Variants in KDM2B observed in about 807,000 individuals in gnomAD.
KDM2B encodes the protein lysine-specific demethylase 2B.
Under a neutral mutation model 150.0 loss-of-function variants are expected in KDM2B, and 26 were observed. The ratio of observed to expected loss-of-function variants is 0.17; its 90% confidence interval spans 0.13 to 0.24. The LOEUF is 0.24. Among genes scored for constraint, KDM2B ranks in the 10% least tolerant of loss-of-function variants. The probability of loss-of-function intolerance (pLI) is 1.00; values close to 1 mark genes in which losing one functional copy is unlikely to be tolerated. For missense variants in KDM2B, 1,265 were observed against 1,816.9 expected (o/e 0.70, Z 5.52); for synonymous variants, 734 against 729.5 (o/e 1.01, Z -0.10).
intron 13 of KDM2B, among the ~76,000 whole-genome samples, chr12:121,451,860 C>G (rs1433647760): frequency 1.3e-5 from 2 of 151,516 alleles, no homozygotes; most frequent in Non-Finnish European, 2.9e-5. Context: ...TGTTGTAAGC[C>G]AAGATTCCAC....
At chr12:121,455,768 T>A (rs1212782237) in intron 12 of KDM2B, among the ~76,000 whole-genome samples, 1 of 152,184 alleles carries the variant, frequency 6.6e-6, no homozygotes, top group Non-Finnish European at 1.5e-5. Context: ...CATACTCGCA[T>A]AGTCCCACTG....
intron 4 of KDM2B, among the ~76,000 whole-genome samples, chr12:121,562,919 T>C (rs1890447060): frequency 6.6e-6 from 1 of 152,198 alleles, no homozygotes; most frequent in East Asian, 1.9e-4. Flanking sequence ...TTAGTATAAT[T>C]GCATGAATAC....
chr12:121,499,284 ATCTTTTTTTTTT>A (rs1884284757), intron 11 of KDM2B, among the ~76,000 whole-genome samples: 1 of 146,648 alleles, frequency 6.8e-6, no homozygotes. Context: ...TAATTTTTGT[ATCTTTTTTTTTT>A]TTTTTAGTAG....
In KDM2B at chr12:121,551,382, G is replaced by C. The variant is rs182717243; in HGVS notation, c.398-1744C>G. ...TTTTTTTGAGACAGGGTCTCGCTCT[G>C]TCACCCAGGCTGGAGAGCAATGGCA... On this transcript the variant is annotated intron_variant, in intron 4 of 22. Transcript: ENST00000377071. 3.5e-4 allele frequency among the ~76,000 whole-genome samples: 49 copies of C among 140,602 alleles called. No individual in the cohort carries two copies. In the East Asian group the frequency reaches 0.01, roughly 29 times the overall value. 92.2% of individuals were successfully genotyped at this position (140,602 alleles called of 152,430 possible).
Position 121,440,694 on chromosome 12 carries a change from A to G in KDM2B, c.3610+122T>C. The G allele has an allele frequency of 9.2e-6, 9 of 979,608 alleles. No homozygotes were observed. The South Asian group carries it at 1.5e-4, about 16-fold the overall frequency. 60.7% of individuals were successfully genotyped at this position (979,608 alleles called of 1,614,324 possible). ...TCTGTGCCTGAAGCAAACTGAGAAC[A>G]TGGCAGCAGAGACTCATCCCTATGT... On this transcript the variant is annotated intron_variant, in intron 21 of 22. Coordinates refer to ENST00000377071, the MANE Select transcript of KDM2B (RefSeq NM_032590.5).
chr12:121,443,296 C>T (rs1555289107), intron 17 of KDM2B: 11 of 584,742 alleles, frequency 1.9e-5, no homozygotes. Flanking sequence ...GTGCAGCCGC[C>T]CATTCAAATC....
intron 12 of KDM2B, among the ~76,000 whole-genome samples, chr12:121,483,992 T>G (rs1555298351): frequency 3.9e-5 from 6 of 151,934 alleles, no homozygotes; most frequent in Non-Finnish European, 8.8e-5. Flanking sequence ...GAGGGAACAG[T>G]GACCAGAAAC....
rs538364776 is a variant in KDM2B at position 121,515,770 on chromosome 12, G to A, written c.1048-2368C>T. Among the ~76,000 whole-genome samples the A allele has an allele frequency of 4.3e-3, 656 of 151,832 alleles. 5 individuals carry two copies. The highest frequency in any genetic ancestry group is 0.015 in the African/African-American group (632 of 41,312). On this transcript the variant is annotated intron_variant, in intron 9 of 22. Transcript: ENST00000377071. ...TCCCACTGCTGGGCCTCCTCTCTCC[G>A]CCTGCACACTGGGTGCTGGGCTCTG...
chr12:121,548,700 G>A (rs1342585229), intron 6 of KDM2B, among the ~76,000 whole-genome samples, 177 bp downstream of exon 6: 1 of 152,182 alleles, frequency 6.6e-6, no homozygotes, highest in Non-Finnish European at 1.5e-5. Flanking sequence ...ACACGCGAAG[G>A]ACCCCGTCCC....
chr12:121,506,213 C>T (rs1885056842), intron 11 of KDM2B, among the ~76,000 whole-genome samples: 1 of 151,982 alleles, frequency 6.6e-6, no homozygotes, highest in African/African-American at 2.4e-5. Context: ...TACTATGTTG[C>T]CCAGGCTGGT....
chr12:121,569,799 G>T (rs2136429183), intron 4 of KDM2B, among the ~76,000 whole-genome samples: 2 of 152,092 alleles, frequency 1.3e-5, no homozygotes, highest in South Asian at 4.2e-4. Context: ...AGAGGGGGCT[G>T]GATGACTGTT....
intron 13 of KDM2B, among the ~76,000 whole-genome samples, chr12:121,451,765 A>G (rs1270242993): frequency 2.0e-5 from 3 of 152,124 alleles, no homozygotes; most frequent in African/African-American, 7.2e-5. Flanking sequence ...TATAAAAATT[A>G]GCCAGATGTG....
intron 11 of KDM2B, among the ~76,000 whole-genome samples, chr12:121,505,174 T>G (rs11065603): frequency 0.04 from 5,866 of 145,816 alleles, 281 homozygotes; most frequent in East Asian, 0.23. Flanking sequence ...TAATTCCAGC[T>G]ACTCGGGAGG....
chr12:121,418,040 C>A, the KDM2B span: 1 of 980,254 alleles, frequency 1.0e-6, no homozygotes, highest in Non-Finnish European at 1.5e-6. Flanking sequence ...CTTCCACACC[C>A]AGCTGAACTC....
the KDM2B span, among the ~76,000 whole-genome samples, chr12:121,413,100 A>T: frequency 6.6e-6 from 1 of 151,062 alleles, no homozygotes. Flanking sequence ...ATCTAGGCTC[A>T]CTGCAACCTC....
chr12:121,442,424 C>T lies in KDM2B; in HGVS notation c.3017G>A (p.Arg1006Gln), dbSNP rs782721641. Residue 1006 changes from arginine to glutamine, a missense_variant, in exon 19 of 23, where the codon CGG (arginine) becomes CAG (glutamine). By Grantham distance (43) the Arg-to-Gln change is conservative. Around this residue, in one of 11 missense-constraint regions of KDM2B, gnomAD observed 418 missense variants for 402.4 expected, o/e 1.04. Transcript: ENST00000377071. The surrounding 1 kb of genome is among the most constrained non-coding windows in gnomAD (Gnocchi z 7.7). ...RFSKGLNGTP[R>Q]ELRHQLGPSL... Reference sequence around the variant, plus strand: ...GGGCCCCAGCTGGTGCCGCAGCTCCCGGGGGGTGCCGTTGAGCCCCTTGCT... The same window carrying T: ...GGGCCCCAGCTGGTGCCGCAGCTCCTGGGGGGTGCCGTTGAGCCCCTTGCT... 5 of 1,598,130 alleles carry T rather than the reference C, an allele frequency of 3.1e-6. No individual in the cohort carries two copies. The highest frequency in any genetic ancestry group is 4.2e-6 in the Non-Finnish European group (5 of 1,177,850).
chr12:121,430,107 A>T lies in KDM2B; in HGVS notation c.*181T>A. On this transcript the variant is annotated 3_prime_UTR_variant, in exon 23 of 23. Coordinates refer to ENST00000377071, the MANE Select transcript of KDM2B (RefSeq NM_032590.5). This position sits in a 1 kb window ranked among gnomAD's most constrained non-coding sequence, Gnocchi z 4.4. ...TTACGATTCAGAAAGACCAAAGGAA[A>T]GTGTCGGCTCACTCATCCCCCAAAC... The T allele has an allele frequency of 6.2e-7, 1 of 1,608,016 alleles. No individual in the cohort carries two copies. The highest frequency in any genetic ancestry group is 8.5e-7 in the Non-Finnish European group (1 of 1,174,348).
At chr12:121,490,194 G>A (rs1185325049) in intron 12 of KDM2B, among the ~76,000 whole-genome samples, 2 of 152,190 alleles carry the variant, frequency 1.3e-5, no homozygotes, top group African/African-American at 4.8e-5. Context: ...AAGGTCACAA[G>A]GCATCGAGGG....
chr12:121,554,033 C>CA (rs1889709619), intron 4 of KDM2B, among the ~76,000 whole-genome samples: 6 of 122,142 alleles, frequency 4.9e-5, no homozygotes, highest in East Asian at 2.5e-4. Context: ...CACCCCAGCT[C>CA]CACACACACA....
Sources: allele counts gnomAD v4.1 joint callset (sites outside exome capture counted in the v4.1 genomes callset), GRCh38; gene constraint gnomAD v4.1.1; regional missense constraint gnomAD v4.1.1; non-coding constraint Gnocchi (gnomAD v3.1); transcripts MANE v1.5; gene names NCBI Gene and HGNC (gene_info 2026-07-23, HGNC 2026-07-21).